The following NEU3 variants were observed in gnomAD, a reference collection of about 807,000 sequenced individuals.
NEU3 encodes the protein neuraminidase 3.
NEU3 carries 10 observed loss-of-function variants against 11.4 expected under a neutral mutation model. That is an observed-to-expected ratio of 0.88 (90% CI 0.54 to 1.49). The LOEUF (loss-of-function observed/expected upper bound fraction) is 1.49, where lower values mean the gene tolerates loss of function less well. NEU3 is among the 40% of genes most tolerant of loss of function. The probability of loss-of-function intolerance (pLI) is 0.00; values close to 1 mark genes in which losing one functional copy is unlikely to be tolerated. For synonymous variants in NEU3, 212 were observed against 228.2 expected (o/e 0.93, Z 0.64); for missense variants, 529 against 581.8 (o/e 0.91, Z 0.93).
At chr11:74,999,792 G>A (rs1049823876) in intron 2 of NEU3, among the ~76,000 whole-genome samples, 1 of 152,130 alleles carries the variant, frequency 6.6e-6, no homozygotes, top group African/African-American at 2.4e-5. Flanking sequence ...GCCTTCTGGG[G>A]CAGTCAGTCT....
At chr11:74,999,101 A>G (rs966487382) in intron 2 of NEU3, among the ~76,000 whole-genome samples, 1 of 152,084 alleles carries the variant, frequency 6.6e-6, no homozygotes, top group Non-Finnish European at 1.5e-5. Flanking sequence ...GGTGTACACC[A>G]CTGTGCCCAG....
Position 75,006,609 on chromosome 11 carries a change from C to G in NEU3, c.*117C>G. The G allele has an allele frequency of 3.1e-6, 4 of 1,272,314 alleles. No individual in the cohort carries two copies. The allele number at this position is 1,272,314 out of a possible 1,614,324, so 78.8% of individuals were successfully genotyped here. A position where few individuals can be genotyped will look rare whatever the true frequency, so the allele number is the denominator to read the frequency against. On this transcript the variant is annotated 3_prime_UTR_variant, in exon 3 of 3. Transcript: ENST00000294064. ...ATATTCTGTTCCCTACCTTTTTTCA[C>G]TTTTCCTCCTCCAAAGAGCAAAATG...
chr11:75,015,843 A>C (rs1164315465), downstream of NEU3, among the ~76,000 whole-genome samples: 1 of 152,332 alleles, frequency 6.6e-6, no homozygotes, highest in South Asian at 2.1e-4. Context: ...TAGCTTTCTC[A>C]TGACATAATA....
chr11:74,994,330 G>C lies in NEU3; in HGVS notation c.95-179G>C, dbSNP rs566819736. On this transcript the variant is annotated intron_variant, in intron 1 of 2. Coordinates refer to ENST00000294064, the MANE Select transcript of NEU3 (RefSeq NM_006656.6). ...AATGAAATTCTCATTTGTTAAACAA[G>C]AATGTATATTGCTTGCTTTGTGCTA... Among the ~76,000 whole-genome samples the C allele has an allele frequency of 3.3e-5, 5 of 152,286 alleles. No homozygotes were observed. The South Asian group carries it at 8.3e-4, about 25-fold the overall frequency.
intron 3 of NEU3, among the ~76,000 whole-genome samples, chr11:75,017,185 C>A (rs1948983996): frequency 6.6e-6 from 1 of 152,186 alleles, no homozygotes; most frequent in Non-Finnish European, 1.5e-5. Context: ...TGTCTGCTTC[C>A]AAGGCCAGTG....
chr11:74,982,602 A>C, the NEU3 span, among the ~76,000 whole-genome samples: 1 of 152,092 alleles, frequency 6.6e-6, no homozygotes, highest in Non-Finnish European at 1.5e-5. Flanking sequence ...GAAGGGAGGA[A>C]TGCCCCTTTT....
At chr11:75,003,326 A>G (rs1047393025) in intron 2 of NEU3, among the ~76,000 whole-genome samples, 7 of 152,222 alleles carry the variant, frequency 4.6e-5, no homozygotes, top group Admixed American at 1.3e-4. Context: ...TTTGAGAATT[A>G]GTAGGATACC....
Position 74,998,234 on chromosome 11 carries a change from G to T in NEU3, c.306+3514G>T, listed in dbSNP as rs973545582. The stretch of plus-strand genomic sequence containing the variant: ...TACAGTAATAACATCAAAGATCACT[G>T]ATGAAAGATCACCATAACAGATTTA... On this transcript the variant is annotated intron_variant, in intron 2 of 2. Coordinates refer to ENST00000294064, the MANE Select transcript of NEU3 (RefSeq NM_006656.6). 2.0e-5 allele frequency among the ~76,000 whole-genome samples: 3 copies of T among 152,294 alleles called. No homozygotes were observed. In the South Asian group the frequency reaches 6.2e-4, roughly 32 times the overall value.
intron 2 of NEU3, among the ~76,000 whole-genome samples, chr11:74,997,074 C>G (rs1045613473): frequency 3.3e-5 from 5 of 152,084 alleles, no homozygotes; most frequent in African/African-American, 1.2e-4. Context: ...TTAAAGTCAC[C>G]AGCCCGTCCT....
downstream of NEU3, among the ~76,000 whole-genome samples, chr11:75,013,358 C>T (rs1948968065): frequency 6.6e-6 from 1 of 152,206 alleles, no homozygotes; most frequent in Non-Finnish European, 1.5e-5. Flanking sequence ...TCCCTTTGAT[C>T]TCCATTATCC....
In NEU3 at chr11:75,006,451, A is replaced by T. The variant is rs773412584; in HGVS notation, c.1345A>T (p.Thr449Ser). The part of the protein sequence containing the change: ...EILSHLQGDC[T>S]SPGRNPSQFK... ...CCTGAGTCACCTGCAGGGGGACTGC[A>T]CCAGCCCTGGTAGGAACCCAAGCCA... is the stretch of plus-strand genomic sequence containing the variant. Residue 449 changes from threonine (T) to serine (S), a missense_variant, in exon 3 of 3, where the codon ACC becomes TCC. Physicochemically the swap from Thr to Ser is moderately conservative, Grantham distance 58. Coordinates refer to ENST00000294064, the MANE Select transcript of NEU3 (RefSeq NM_006656.6). 1 of 1,613,808 alleles carries T rather than the reference A, an allele frequency of 6.2e-7. No homozygotes were observed. The highest frequency in any genetic ancestry group is 1.1e-5 in the South Asian group (1 of 91,066).
chr11:74,989,001 A>T lies in NEU3; in HGVS notation c.-60A>T. 7.7e-7 allele frequency: 1 copy of T among 1,294,524 alleles called. No homozygotes were observed. The highest frequency in any genetic ancestry group is 1.1e-6 in the Non-Finnish European group (1 of 919,722). 80.2% of individuals were successfully genotyped at this position (1,294,524 alleles called of 1,614,324 possible). A position where few individuals can be genotyped will look rare whatever the true frequency, so the allele number is the denominator to read the frequency against. ...CCGTCTCAGTTGTTTCTCCCTCTCTATCCTCCTCTGTCTCAGTCTCCCCAG... is the reference window on the plus strand; with the variant it reads ...CCGTCTCAGTTGTTTCTCCCTCTCTTTCCTCCTCTGTCTCAGTCTCCCCAG... On this transcript the variant is annotated 5_prime_UTR_variant, in exon 1 of 3. Coordinates refer to ENST00000294064, the MANE Select transcript of NEU3 (RefSeq NM_006656.6).
upstream of NEU3, among the ~76,000 whole-genome samples, chr11:74,983,392 T>C (rs1948650549): frequency 2.0e-5 from 3 of 152,274 alleles, no homozygotes; most frequent in South Asian, 6.2e-4. Context: ...ACAGGTTTAG[T>C]TGAAAACTTA....
At chr11:75,014,193 T>C (rs919234672), downstream of NEU3, among the ~76,000 whole-genome samples, 1 of 152,196 alleles carries the variant, frequency 6.6e-6, no homozygotes, top group Non-Finnish European at 1.5e-5. Context: ...ATCCTAAACA[T>C]AGTTTCTGTT....
At chr11:74,986,087 C>T (rs550302177), upstream of NEU3, among the ~76,000 whole-genome samples, 53 of 152,312 alleles carry the variant, frequency 3.5e-4, no homozygotes, top group African/African-American at 1.3e-3. Context: ...GCACAAGTAC[C>T]ATTCTCTCTG....
chr11:74,997,777 C>T (rs1368491023), intron 2 of NEU3, among the ~76,000 whole-genome samples: 9 of 150,742 alleles, frequency 6.0e-5, no homozygotes, highest in South Asian at 2.1e-4. Flanking sequence ...GCAGGAGAAT[C>T]GCTTGAACAC....
chr11:75,004,691 G>A (rs1486260416), intron 2 of NEU3, among the ~76,000 whole-genome samples: 1 of 152,166 alleles, frequency 6.6e-6, no homozygotes, highest in African/African-American at 2.4e-5. Flanking sequence ...GGTAAAGTAA[G>A]ATTAAGTAAC....
At chr11:74,993,531 A>G (rs1448270404) in intron 1 of NEU3, among the ~76,000 whole-genome samples, 1 of 152,166 alleles carries the variant, frequency 6.6e-6, no homozygotes, top group Non-Finnish European at 1.5e-5. Flanking sequence ...TTGACAGAGG[A>G]TGGCATGTGA....
intron 2 of NEU3, among the ~76,000 whole-genome samples, chr11:75,003,617 C>T (rs367792732): frequency 5.9e-5 from 9 of 152,108 alleles, no homozygotes; most frequent in East Asian, 3.8e-4. Context: ...AGGCCAGGCT[C>T]GGTGGCTCAC....
Sources: allele counts gnomAD v4.1 joint callset (sites outside exome capture counted in the v4.1 genomes callset), GRCh38; gene constraint gnomAD v4.1.1; transcripts MANE v1.5; gene names NCBI Gene and HGNC (gene_info 2026-07-23, HGNC 2026-07-21).